The following VPS33B variants were observed in gnomAD, a reference collection of about 807,000 sequenced individuals.
The protein encoded by VPS33B is vacuolar protein sorting-associated protein 33B.
In VPS33B, 80 loss-of-function variants were observed where a neutral mutation model predicts 95.3. The observed-to-expected ratio is 0.84, with a 90% CI of 0.70 to 1.01. VPS33B has a LOEUF of 1.01. Ranked by LOEUF, VPS33B falls within the 50% of genes least tolerant of loss-of-function variation. The pLI is 0.00. For missense variants in VPS33B, 715 were observed against 773.4 expected, an observed-to-expected ratio of 0.92 and a Z score of 0.90; for synonymous variants, 280 against 280.4, an observed-to-expected ratio of 1.00 and a Z score of 0.01.
In VPS33B at chr15:91,006,347, C is replaced by T. The variant is rs939258732; in HGVS notation, c.852+25G>A. The stretch of plus-strand genomic sequence containing the variant: ...GTATAAGCAGTGGCCCTAGGTGGGC[C>T]CATTGCTAGCACCCACACCCTCACC... On this transcript the variant is annotated intron_variant, in intron 11 of 22. Transcript: ENST00000333371. The surrounding 1 kb of genome is among the most constrained non-coding windows in gnomAD (Gnocchi z 5.4). The T allele has an allele frequency of 6.2e-7, 1 of 1,613,928 alleles. No individual in the cohort carries two copies. The highest frequency in any genetic ancestry group is 8.5e-7 in the Non-Finnish European group (1 of 1,179,910).
chr15:91,015,851 A>T lies in VPS33B; in HGVS notation c.239+1112T>A, dbSNP rs977822441. On this transcript the variant is annotated intron_variant, in intron 3 of 22. Coordinates refer to ENST00000333371, the MANE Select transcript of VPS33B (RefSeq NM_018668.5). This position sits in a 1 kb window ranked among gnomAD's most constrained non-coding sequence, Gnocchi z 4.7. Reference sequence around the variant, plus strand: ...TCTCTGAAAATAAATAAATTTAATTAAAAAAATTTAAATATAAGAAAGTAA... The same window carrying T: ...TCTCTGAAAATAAATAAATTTAATTTAAAAAATTTAAATATAAGAAAGTAA... Among the ~76,000 whole-genome samples, 4 of 152,038 alleles carry T rather than the reference A, an allele frequency of 2.6e-5. No homozygotes were observed. The highest frequency in any genetic ancestry group is 7.2e-5 in the African/African-American group (3 of 41,434).
chr15:91,003,706 A>T (rs6496748), intron 16 of VPS33B, among the ~76,000 whole-genome samples: 1 of 151,946 alleles, frequency 6.6e-6, no homozygotes, highest in African/African-American at 2.4e-5. Context: ...CCAAAGTGCT[A>T]GGATTACAGG....
rs1043964135 is a variant in VPS33B, at chr15:91,013,017, A to G, written c.357+787T>C. Among the ~76,000 whole-genome samples, 2 of 152,178 alleles carry G rather than the reference A, an allele frequency of 1.3e-5. No homozygotes were observed. Among genetic ancestry groups the G allele is most frequent in the Non-Finnish European group, 1.5e-5 (1 of 68,016 alleles). ...CCAGGGGCAGCCCAGCCACATCCTT[A>G]TAAGCATAGCGGATGGGAAGAGGGA... On this transcript the variant is annotated intron_variant, in intron 5 of 22. Transcript: ENST00000333371. The surrounding 1 kb of genome is among the most constrained non-coding windows in gnomAD (Gnocchi z 4.5).
intron 2 of VPS33B, 111 bp from the exon 3 acceptor site, chr15:91,017,135 G>A (rs1314940571): frequency 9.8e-7 from 1 of 1,015,420 alleles, no homozygotes; most frequent in African/African-American, 1.6e-5. Flanking sequence ...TAATTATTGA[G>A]GGCTTCCTAA....
In VPS33B at chr15:91,013,166, G is replaced by A. The variant is rs546348047; in HGVS notation, c.357+638C>T. ...AGGGATACAGAGCAGGTTCTACCTC[G>A]CAAGCGTGAAGCTTTTCATTTAAAA... is the stretch of plus-strand genomic sequence containing the variant. On this transcript the variant is annotated intron_variant, in intron 5 of 22. Transcript: ENST00000333371. This position sits in a 1 kb window ranked among gnomAD's most constrained non-coding sequence, Gnocchi z 4.5. Among the ~76,000 whole-genome samples the A allele has an allele frequency of 2.6e-5, 4 of 152,266 alleles. No homozygotes were observed. The highest frequency in any genetic ancestry group is 6.5e-5 in the Admixed American group (1 of 15,288).
chr15:91,013,972 A>C lies in VPS33B; in HGVS notation c.290-101T>G. On this transcript the variant is annotated intron_variant, in intron 4 of 22. Transcript: ENST00000333371. The surrounding 1 kb of genome is among the most constrained non-coding windows in gnomAD (Gnocchi z 4.5). Reference sequence around the variant, plus strand: ...AGTGGTTCACGCCTGTAATCCCAGCACTTGGGAGGCTGAGGCGGGTGGATC... The same window carrying C: ...AGTGGTTCACGCCTGTAATCCCAGCCCTTGGGAGGCTGAGGCGGGTGGATC... 3.5e-6 allele frequency: 5 copies of C among 1,415,062 alleles called. No individual in the cohort carries two copies. Among genetic ancestry groups the C allele is most frequent in the Non-Finnish European group, 5.0e-6 (5 of 1,002,108 alleles). 87.7% of individuals were successfully genotyped at this position (1,415,062 alleles called of 1,614,324 possible). A position where few individuals can be genotyped will look rare whatever the true frequency, so the allele number is the denominator to read the frequency against.
At position 91,002,882 on chromosome 15, in the gene VPS33B, G is replaced by A. The variant is rs16945159; in HGVS notation, c.1272+203C>T. ...TAATTCTCAGCACTGGCCATGCGCCGTCAGTGTGTGGGGTGAAACAAGGGT... is the reference window on the plus strand; with the variant it reads ...TAATTCTCAGCACTGGCCATGCGCCATCAGTGTGTGGGGTGAAACAAGGGT... On this transcript the variant is annotated intron_variant, in intron 17 of 22. Coordinates refer to ENST00000333371, the MANE Select transcript of VPS33B (RefSeq NM_018668.5). The surrounding 1 kb of genome is among the most constrained non-coding windows in gnomAD (Gnocchi z 4.7). 0.029 allele frequency among the ~76,000 whole-genome samples: 4,383 copies of A among 152,134 alleles called. 223 individuals are homozygous for A. Among genetic ancestry groups the A allele is most frequent in the African/African-American group, 0.099 (4,092 of 41,478 alleles).
rs778223047 is a variant in VPS33B, at chr15:91,009,783, A to G, written c.403+18T>C. On this transcript the variant is annotated intron_variant, in intron 6 of 22. Coordinates refer to ENST00000333371, the MANE Select transcript of VPS33B (RefSeq NM_018668.5). This position sits in a 1 kb window ranked among gnomAD's most constrained non-coding sequence, Gnocchi z 4.1. ...GTATGTTCTCTTTCCCTTTCCACTC[A>G]CATTCATCTCCTCTCACCTCCATAG... 6.2e-7 allele frequency: 1 copy of G among 1,614,094 alleles called. No homozygotes were observed. The highest frequency in any genetic ancestry group is 1.1e-5 in the South Asian group (1 of 91,084).
Position 90,999,318 on chromosome 15 carries a change from G to T in VPS33B, c.1775-264C>A, listed in dbSNP as rs534941523. The T allele has an allele frequency of 6.2e-6, 3 of 480,834 alleles. No individual in the cohort carries two copies. The highest frequency in any genetic ancestry group is 2.3e-5 in the South Asian group (1 of 44,150). The allele number at this position is 480,834 out of a possible 1,614,324, so 29.8% of individuals were successfully genotyped here. On this transcript the variant is annotated intron_variant, in intron 22 of 22. Transcript: ENST00000333371. This position sits in a 1 kb window ranked among gnomAD's most constrained non-coding sequence, Gnocchi z 5.1. ...TATTCCTGTGCAGGACACTTTGCGTGTTTTTTTTTTTTCTCTTGAGATGGA... is the reference window on the plus strand; with the variant it reads ...TATTCCTGTGCAGGACACTTTGCGTTTTTTTTTTTTTTCTCTTGAGATGGA...
At position 91,009,823 on chromosome 15, in the gene VPS33B, A is replaced by C. The variant is rs773191899; in HGVS notation, c.381T>G (p.Leu127=). Residue 127 remains leucine (L), a synonymous_variant, in exon 6 of 23, where the codon CTT becomes CTG. Transcript: ENST00000333371. This position sits in a 1 kb window ranked among gnomAD's most constrained non-coding sequence, Gnocchi z 4.1. ...PQKFYACEMV[L]EEEGIYGDVS... ...CACCTCCATAGATTCCCTCTTCCTC[A>C]AGCACCATCTCACACGCATAGAACT... 3.1e-6 allele frequency: 5 copies of C among 1,614,138 alleles called. No individual in the cohort carries two copies. The East Asian group carries it at 1.1e-4, about 36-fold the overall frequency.
In VPS33B at chr15:91,009,007, A is replaced by C. The variant is rs1225737784; in HGVS notation, c.403+794T>G. Among the ~76,000 whole-genome samples the C allele has an allele frequency of 6.6e-6, 1 of 152,144 alleles. No homozygotes were observed. Among genetic ancestry groups the C allele is most frequent in the African/African-American group, 2.4e-5 (1 of 41,438 alleles). ...GGGACAGGAGGGGCCAGACTGTGCA[A>C]GGGATAGGAGGCATGTTGGGGATTC... On this transcript the variant is annotated intron_variant, in intron 6 of 22. Transcript: ENST00000333371. The surrounding 1 kb of genome is among the most constrained non-coding windows in gnomAD (Gnocchi z 4.1).
chr15:91,002,324 A>C lies in VPS33B; in HGVS notation c.1273-142T>G, dbSNP rs1336032445. ...ACACTTTGTTGAGATAAATTTTCACATCAGAAATAACCAAACAGGGCTGGG... is the reference window on the plus strand; with the variant it reads ...ACACTTTGTTGAGATAAATTTTCACCTCAGAAATAACCAAACAGGGCTGGG... On this transcript the variant is annotated intron_variant, in intron 17 of 22. Coordinates refer to ENST00000333371, the MANE Select transcript of VPS33B (RefSeq NM_018668.5). The surrounding 1 kb of genome is among the most constrained non-coding windows in gnomAD (Gnocchi z 4.7). 7.6e-7 allele frequency: 1 copy of C among 1,307,784 alleles called. No individual in the cohort carries two copies. Among genetic ancestry groups the C allele is most frequent in the Non-Finnish European group, 1.1e-6 (1 of 939,690 alleles). The allele number at this position is 1,307,784 out of a possible 1,614,324, so 81.0% of individuals were successfully genotyped here. A position where few individuals can be genotyped will look rare whatever the true frequency, so the allele number is the denominator to read the frequency against.
rs2040599270 is a variant in VPS33B, at chr15:91,006,247, T to C, written c.852+125A>G. 1.4e-6 allele frequency: 2 copies of C among 1,453,922 alleles called. No individual in the cohort carries two copies. Among genetic ancestry groups the C allele is most frequent in the African/African-American group, 2.8e-5 (2 of 72,174 alleles). The allele number at this position is 1,453,922 out of a possible 1,614,324, so 90.1% of individuals were successfully genotyped here. A position where few individuals can be genotyped will look rare whatever the true frequency, so the allele number is the denominator to read the frequency against. ...ATGCTCTGAACTGGTGGGGAAACCC[T>C]CTCTCCCATAGACTCAGCCTCCCCT... On this transcript the variant is annotated intron_variant, in intron 11 of 22. Coordinates refer to ENST00000333371, the MANE Select transcript of VPS33B (RefSeq NM_018668.5). This position sits in a 1 kb window ranked among gnomAD's most constrained non-coding sequence, Gnocchi z 5.4.
chr15:91,009,903 C>G lies in VPS33B; in HGVS notation c.358-57G>C. On this transcript the variant is annotated intron_variant, in intron 5 of 22. Transcript: ENST00000333371. This position sits in a 1 kb window ranked among gnomAD's most constrained non-coding sequence, Gnocchi z 4.1. ...ACCTTCTTCTCTGTTCTCTCCATTT[C>G]TCTGGAGTTCCTCTGTGGTCACTGA... 6.3e-7 allele frequency: 1 copy of G among 1,599,868 alleles called. No individual in the cohort carries two copies. The highest frequency in any genetic ancestry group is 8.6e-7 in the Non-Finnish European group (1 of 1,167,412).
intron 3 of VPS33B, among the ~76,000 whole-genome samples, chr15:91,016,639 C>T (rs970243932): frequency 2.0e-5 from 3 of 152,134 alleles, no homozygotes; most frequent in African/African-American, 7.2e-5. Flanking sequence ...CCGCCTCGGC[C>T]TCCCAAAGTG....
At position 90,998,874 on chromosome 15, in the gene VPS33B, G is replaced by C; in HGVS notation, c.*101C>G. ...CGTTCCATGCTCCCGGCTCTTAGCA[G>C]GTAGTTGGTGGACACTTGGTTATAG... is the stretch of plus-strand genomic sequence containing the variant. On this transcript the variant is annotated 3_prime_UTR_variant, in exon 23 of 23. Transcript: ENST00000333371. This position sits in a 1 kb window ranked among gnomAD's most constrained non-coding sequence, Gnocchi z 4.8. 8.0e-7 allele frequency: 1 copy of C among 1,248,700 alleles called. No homozygotes were observed. The allele number at this position is 1,248,700 out of a possible 1,614,324, so 77.4% of individuals were successfully genotyped here. A position where few individuals can be genotyped will look rare whatever the true frequency, so the allele number is the denominator to read the frequency against.
At chr15:91,019,818 T>C (rs886239403) in intron 1 of VPS33B, among the ~76,000 whole-genome samples, 2 of 151,840 alleles carry the variant, frequency 1.3e-5, no homozygotes, top group Non-Finnish European at 2.9e-5. Context: ...AATTTTTTTT[T>C]TTTTGAGATG....
chr15:91,011,032 A>G lies in VPS33B; in HGVS notation c.358-1186T>C, dbSNP rs1391374933. Among the ~76,000 whole-genome samples, 1 of 152,224 alleles carries G rather than the reference A, an allele frequency of 6.6e-6. No homozygotes were observed. Among genetic ancestry groups the G allele is most frequent in the Non-Finnish European group, 1.5e-5 (1 of 68,042 alleles). On this transcript the variant is annotated intron_variant, in intron 5 of 22. Transcript: ENST00000333371. The surrounding 1 kb of genome is among the most constrained non-coding windows in gnomAD (Gnocchi z 5.5). ...ATGGGAGACATTGTTTAGAAGGCAT[A>G]GACATGGGTGAAGGCAGAAGAGAAA... is the stretch of plus-strand genomic sequence containing the variant.
At position 91,006,254 on chromosome 15, in the gene VPS33B, C is replaced by A; in HGVS notation, c.852+118G>T. The stretch of plus-strand genomic sequence containing the variant: ...GAACTGGTGGGGAAACCCTCTCTCC[C>A]ATAGACTCAGCCTCCCCTCTCAGAG... On this transcript the variant is annotated intron_variant, in intron 11 of 22. Coordinates refer to ENST00000333371, the MANE Select transcript of VPS33B (RefSeq NM_018668.5). The surrounding 1 kb of genome is among the most constrained non-coding windows in gnomAD (Gnocchi z 5.4). 1 of 1,490,574 alleles carries A rather than the reference C, an allele frequency of 6.7e-7. No individual in the cohort carries two copies. Among genetic ancestry groups the A allele is most frequent in the South Asian group, 1.1e-5 (1 of 88,608 alleles). 92.3% of individuals were successfully genotyped at this position (1,490,574 alleles called of 1,614,324 possible).
Sources: gnomAD v4.1 joint callset for allele counts (sites outside exome capture counted in the v4.1 genomes callset) on GRCh38, gnomAD v4.1.1 for gene constraint, Gnocchi (gnomAD v3.1) non-coding constraint, MANE v1.5 for transcripts, NCBI Gene and HGNC (gene_info 2026-07-23, HGNC 2026-07-21) for gene names.